The following LINC00305 variants were observed in gnomAD, a reference collection of about 807,000 sequenced individuals.
LINC00305 encodes long intergenic non-protein coding RNA 305.
At chr18:64,111,206 G>A (rs1456672004) in intron 1 of LINC00305, among the ~76,000 whole-genome samples, 1 of 152,202 alleles carries the variant, frequency 6.6e-6, no homozygotes, top group Non-Finnish European at 1.5e-5. Flanking sequence ...GACATACCAT[G>A]TTTTTCCATT....
chr18:64,103,914 G>T (rs943479769), intron 1 of LINC00305, among the ~76,000 whole-genome samples: 8 of 152,186 alleles, frequency 5.3e-5, no homozygotes, highest in Non-Finnish European at 1.0e-4. Context: ...GGCACAGAAA[G>T]CACTGTGAAG....
rs527991222 is a variant in LINC00305, at chr18:64,088,217, C to T, written n.541-7815G>A. On this transcript the variant is annotated intron_variant and non_coding_transcript_variant, in intron 3 of 3. Transcript: ENST00000666468. Reference sequence around the variant, plus strand: ...CAGTCATGGAAGACTTGCTAAATAACCAGAAATTTGTGATTTTTCTCAACT... The same window carrying T: ...CAGTCATGGAAGACTTGCTAAATAATCAGAAATTTGTGATTTTTCTCAACT... Among the ~76,000 whole-genome samples, 76 of 152,236 alleles carry T rather than the reference C, an allele frequency of 5.0e-4. No individual in the cohort carries two copies. In the South Asian group the frequency reaches 0.014, roughly 29 times the overall value.
intron 3 of LINC00305, among the ~76,000 whole-genome samples, chr18:64,081,633 T>A (rs1984359): frequency 6.6e-6 from 1 of 152,072 alleles, no homozygotes; most frequent in Admixed American, 6.5e-5. Context: ...GATTATTTCA[T>A]GTATTCATAT....
At chr18:64,086,445 A>C (rs1384956819) in intron 3 of LINC00305, among the ~76,000 whole-genome samples, 1 of 152,246 alleles carries the variant, frequency 6.6e-6, no homozygotes, top group Non-Finnish European at 1.5e-5. Flanking sequence ...CATATTTTCC[A>C]AAAATTGAAA....
chr18:64,111,801 G>A (rs1481638452), intron 1 of LINC00305, among the ~76,000 whole-genome samples: 4 of 152,104 alleles, frequency 2.6e-5, no homozygotes, highest in Admixed American at 6.5e-5. Context: ...GTGTTTCCAC[G>A]CCAGGTTTCC....
intron 1 of LINC00305, among the ~76,000 whole-genome samples, chr18:64,104,546 T>C (rs995395362): frequency 3.3e-5 from 5 of 152,220 alleles, no homozygotes; most frequent in Non-Finnish European, 7.3e-5. Context: ...GTTCAGATTT[T>C]GACAATGACA....
At position 64,085,510 on chromosome 18, in the gene LINC00305, C is replaced by T. The variant is rs533561361; in HGVS notation, n.541-5108G>A. Among the ~76,000 whole-genome samples, 93 of 151,790 alleles carry T rather than the reference C, an allele frequency of 6.1e-4. 1 individual carries two copies. Among genetic ancestry groups the T allele is most frequent in the Non-Finnish European group, 1.2e-3 (80 of 67,904 alleles). On this transcript the variant is annotated intron_variant and non_coding_transcript_variant, in intron 3 of 3. Transcript: ENST00000666468. ...CTGAGTCTCGCTCTGTTGCCCAGGC[C>T]GGAGTGCAGTGGCACAATCTCGGCT...
At chr18:64,148,392 T>C (rs2051508266) in intron 1 of LINC00305, among the ~76,000 whole-genome samples, 1 of 113,778 alleles carries the variant, frequency 8.8e-6, no homozygotes, top group South Asian at 3.5e-4. Flanking sequence ...GCTTTGCTCC[T>C]AATAAGAAAA....
intron 1 of LINC00305, among the ~76,000 whole-genome samples, chr18:64,112,114 C>T (rs1266249352): frequency 2.0e-5 from 3 of 152,186 alleles, no homozygotes; most frequent in Non-Finnish European, 4.4e-5. Flanking sequence ...TCTCAGTAAA[C>T]ACTGTGTGAT....
At chr18:64,130,531 A>AT (rs1368755708) in intron 1 of LINC00305, among the ~76,000 whole-genome samples, 2 of 152,202 alleles carry the variant, frequency 1.3e-5, no homozygotes, top group Middle Eastern at 3.4e-3. Context: ...AAAAGAAAAC[A>AT]TTTTTTTCCC....
intron 1 of LINC00305, among the ~76,000 whole-genome samples, chr18:64,131,114 C>T (rs923004023): frequency 6.6e-6 from 1 of 151,994 alleles, no homozygotes. Context: ...TATGTAGAAG[C>T]CCTGCTACAA....
At chr18:64,103,786 T>C (rs2051277666) in intron 1 of LINC00305, among the ~76,000 whole-genome samples, 1 of 152,222 alleles carries the variant, frequency 6.6e-6, no homozygotes, top group African/African-American at 2.4e-5. Context: ...TTGACCATGC[T>C]GTGTTTATCT....
chr18:64,080,389 G>T (rs1422246596), exon 4 of LINC00305: 3 of 456,054 alleles, frequency 6.6e-6, no homozygotes, highest in Non-Finnish European at 1.3e-5. Context: ...CTTTTGAAAG[G>T]TTCTTCCTGC....
At chr18:64,128,732 T>C (rs2051396509) in intron 1 of LINC00305, among the ~76,000 whole-genome samples, 1 of 152,128 alleles carries the variant, frequency 6.6e-6, no homozygotes, top group East Asian at 1.9e-4. Context: ...TGCCAGTTGA[T>C]AAATAGTCAC....
At chr18:64,107,530 T>C (rs964915668) in intron 1 of LINC00305, among the ~76,000 whole-genome samples, 8 of 152,340 alleles carry the variant, frequency 5.3e-5, no homozygotes, top group African/African-American at 1.9e-4. Context: ...GGAGGAAGCA[T>C]TGGCTTTTGC....
intron 1 of LINC00305, among the ~76,000 whole-genome samples, chr18:64,118,033 A>C (rs966188255): frequency 3.9e-5 from 6 of 152,202 alleles, no homozygotes; most frequent in Admixed American, 3.3e-4. Flanking sequence ...GATAGAGTAG[A>C]ATCTCAGAGA....
At chr18:64,124,243 C>T (rs1182024345) in intron 1 of LINC00305, among the ~76,000 whole-genome samples, 5 of 152,106 alleles carry the variant, frequency 3.3e-5, no homozygotes, top group Admixed American at 2.0e-4. Flanking sequence ...TGGTCATCCA[C>T]GGATCAGAAC....
chr18:64,143,753 GTATGTA>G, intron 1 of LINC00305, among the ~76,000 whole-genome samples: 1 of 70,234 alleles, frequency 1.4e-5, no homozygotes, highest in South Asian at 5.9e-4. Context: ...ATGCGTACAT[GTATGTA>G]CACATATTAT....
At chr18:64,083,007 G>A (rs1356715743) in intron 3 of LINC00305, among the ~76,000 whole-genome samples, 1 of 151,350 alleles carries the variant, frequency 6.6e-6, no homozygotes, top group Admixed American at 6.6e-5. Flanking sequence ...AATATTATTG[G>A]GTTTTAAATT....
Sources: gnomAD v4.1 joint callset for allele counts (sites outside exome capture counted in the v4.1 genomes callset) on GRCh38, gnomAD v4.1.1 for gene constraint, MANE v1.5 for transcripts, NCBI Gene and HGNC (gene_info 2026-07-23, HGNC 2026-07-21) for gene names.